Variants in WDR20 observed in about 807,000 individuals in gnomAD.
The protein encoded by WDR20 is WD repeat-containing protein 20.
A neutral mutation model predicts 38.7 loss-of-function variants in WDR20; 3 were observed. The observed-to-expected ratio is 0.08, with a 90% CI of 0.04 to 0.20. WDR20 has a LOEUF of 0.20. Ranked by LOEUF, WDR20 falls within the 10% of genes least tolerant of loss-of-function variation. The pLI is 1.00. For synonymous variants in WDR20, 298 were observed against 285.6 expected, an observed-to-expected ratio of 1.04 and a Z score of -0.44; for missense variants, 559 against 727.7, an observed-to-expected ratio of 0.77 and a Z score of 2.67.
At chr14:102,224,100 G>T (rs868725387), downstream of WDR20, among the ~76,000 whole-genome samples, 1 of 145,360 alleles carries the variant, frequency 6.9e-6, no homozygotes. Flanking sequence ...GGAGTGCAGT[G>T]GCGCAATCTC....
intron 1 of WDR20, among the ~76,000 whole-genome samples, chr14:102,151,882 G>C (rs1360686808): frequency 6.6e-6 from 1 of 151,486 alleles, no homozygotes; most frequent in Admixed American, 6.6e-5. Context: ...TGAGTCTATA[G>C]GAGCATGCTA....
At position 102,204,674 on chromosome 14, in the gene WDR20, C is replaced by G. The variant is rs142924185; in HGVS notation, c.433-3929C>G. ...CCTTCCTGTAGGGAGACAGGCATGA[C>G]TGCATTTTCCATTTTCCATGCGAGG... On this transcript the variant is annotated intron_variant, in intron 2 of 2. Transcript: ENST00000342702. 4.6e-3 allele frequency among the ~76,000 whole-genome samples: 703 copies of G among 152,324 alleles called. 6 individuals carry two copies. The highest frequency in any genetic ancestry group is 0.016 in the African/African-American group (652 of 41,576).
chr14:102,208,554 C>G lies in WDR20; in HGVS notation c.433-49C>G, dbSNP rs748487432. 6.5e-7 allele frequency: 1 copy of G among 1,537,778 alleles called. No individual in the cohort carries two copies. Among genetic ancestry groups the G allele is most frequent in the Non-Finnish European group, 8.8e-7 (1 of 1,141,388 alleles). On this transcript the variant is annotated intron_variant, in intron 2 of 2. Coordinates refer to ENST00000342702, the MANE Select transcript of WDR20 (RefSeq NM_144574.4). The surrounding 1 kb of genome is among the most constrained non-coding windows in gnomAD (Gnocchi z 5.6). ...CAAGTTTTCTTGCTGGAAAAGTAGA[C>G]CTTTGAGACTTCTCCGTTGTGCTAA...
intron 1 of WDR20, among the ~76,000 whole-genome samples, chr14:102,168,529 A>T (rs2060202885): frequency 6.6e-6 from 1 of 152,102 alleles, no homozygotes; most frequent in South Asian, 2.1e-4. Flanking sequence ...GAACCCAAGT[A>T]TGTGTTTTTT....
chr14:102,212,512 TTTG>T, downstream of WDR20: 1 of 1,535,886 alleles, frequency 6.5e-7, no homozygotes, highest in Admixed American at 2.0e-5. Context: ...TGCCCCTTTC[TTTG>T]ACAGCCGGCA....
At chr14:102,219,800 C>T (rs2063677231), downstream of WDR20, among the ~76,000 whole-genome samples, 1 of 152,222 alleles carries the variant, frequency 6.6e-6, no homozygotes, top group Non-Finnish European at 1.5e-5. Flanking sequence ...GCGAAGCCTG[C>T]TAACGGGAAC....
At chr14:102,158,443 A>G (rs2057940181) in intron 1 of WDR20, among the ~76,000 whole-genome samples, 1 of 152,100 alleles carries the variant, frequency 6.6e-6, no homozygotes, top group Non-Finnish European at 1.5e-5. Context: ...GATTACAGGC[A>G]TGTACCACCA....
intron 1 of WDR20, among the ~76,000 whole-genome samples, chr14:102,188,977 C>T (rs1230432273): frequency 2.0e-5 from 3 of 151,306 alleles, no homozygotes; most frequent in African/African-American, 4.9e-5. Flanking sequence ...TTTGGGAGGC[C>T]AAGGCAGGCA....
rs1385476662 is a variant in WDR20, at chr14:102,148,573, C to G, written c.249+8401C>G. Among the ~76,000 whole-genome samples the G allele has an allele frequency of 3.3e-5, 5 of 151,248 alleles. No individual in the cohort carries two copies. In the East Asian group the frequency reaches 9.7e-4, roughly 29 times the overall value. On this transcript the variant is annotated intron_variant, in intron 1 of 2. Coordinates refer to ENST00000342702, the MANE Select transcript of WDR20 (RefSeq NM_144574.4). ...AAAAAAAATCATAATCCTCATTCATCAAGCATTTATTGATGACTGGTATAT... is the reference window on the plus strand; with the variant it reads ...AAAAAAAATCATAATCCTCATTCATGAAGCATTTATTGATGACTGGTATAT...
At chr14:102,148,313 G>A (rs1175486966) in intron 1 of WDR20, among the ~76,000 whole-genome samples, 8 of 152,102 alleles carry the variant, frequency 5.3e-5, no homozygotes, top group African/African-American at 1.9e-4. Flanking sequence ...GGAGACCGAG[G>A]CAGGAGGATT....
In WDR20 at chr14:102,210,460, T is replaced by C. The variant is rs2062329751; in HGVS notation, c.*580T>C. 8 of 985,272 alleles carry C rather than the reference T, an allele frequency of 8.1e-6. No individual in the cohort carries two copies. In the South Asian group the frequency reaches 2.3e-4, roughly 29 times the overall value. 61.0% of individuals were successfully genotyped at this position (985,272 alleles called of 1,614,324 possible). Reference sequence around the variant, plus strand: ...ATCCACAGAAAGAGAAGAGCCTTAATTTTTAAAACCCATTTTAGTCATTTT... The same window carrying C: ...ATCCACAGAAAGAGAAGAGCCTTAACTTTTAAAACCCATTTTAGTCATTTT... On this transcript the variant is annotated 3_prime_UTR_variant, in exon 3 of 3. Transcript: ENST00000342702.
intron 1 of WDR20, among the ~76,000 whole-genome samples, chr14:102,152,501 G>A (rs561390973): frequency 6.7e-6 from 1 of 149,590 alleles, no homozygotes; most frequent in African/African-American, 2.5e-5. Context: ...TGCAGCCTCC[G>A]CCTCCCAGGT....
chr14:102,139,902 A>C lies in WDR20; in HGVS notation c.-22A>C, dbSNP rs371361662. On this transcript the variant is annotated 5_prime_UTR_variant, in exon 1 of 3. Coordinates refer to ENST00000342702, the MANE Select transcript of WDR20 (RefSeq NM_144574.4). ...TGGGCGTGATCCGGGCACTTAGGGCAGGATGAACGCTGCTTTCCAAGATGG... is the reference window on the plus strand; with the variant it reads ...TGGGCGTGATCCGGGCACTTAGGGCCGGATGAACGCTGCTTTCCAAGATGG... 2 of 1,609,278 alleles carry C rather than the reference A, an allele frequency of 1.2e-6. No individual in the cohort carries two copies. The highest frequency in any genetic ancestry group is 2.2e-5 in the East Asian group (1 of 44,756).
chr14:102,173,597 T>C (rs971795039), intron 1 of WDR20, among the ~76,000 whole-genome samples: 1 of 151,732 alleles, frequency 6.6e-6, no homozygotes, highest in African/African-American at 2.4e-5. Flanking sequence ...CTGTACCCAA[T>C]GTGTAGTCTT....
At chr14:102,194,266 C>T (rs998290345) in intron 1 of WDR20, among the ~76,000 whole-genome samples, 1 of 152,128 alleles carries the variant, frequency 6.6e-6, no homozygotes, top group Admixed American at 6.5e-5. Context: ...AAGTAATGTT[C>T]CCCGAAACCT....
intron 1 of WDR20, among the ~76,000 whole-genome samples, chr14:102,151,597 T>G (rs574248987): frequency 6.6e-6 from 1 of 151,912 alleles, no homozygotes; most frequent in Admixed American, 6.6e-5. Context: ...CTTGCTGTGT[T>G]GTCTGGGTTG....
rs1240924312 is a variant in WDR20 at position 102,207,429 on chromosome 14, G to A, written c.433-1174G>A. ...CCTCAAAGCCACCCTGGCAGAAGTC[G>A]GCATGTTTCTTGGCAGATTCTGCCC... On this transcript the variant is annotated intron_variant, in intron 2 of 2. Transcript: ENST00000342702. The surrounding 1 kb of genome is among the most constrained non-coding windows in gnomAD (Gnocchi z 5.0). Among the ~76,000 whole-genome samples, 6 of 152,208 alleles carry A rather than the reference G, an allele frequency of 3.9e-5. No individual in the cohort carries two copies. The East Asian group carries it at 1.2e-3, about 29-fold the overall frequency.
intron 1 of WDR20, chr14:102,171,376 A>T (rs993078873): frequency 6.2e-5 from 9 of 145,080 alleles, no homozygotes; most frequent in African/African-American, 2.3e-4. Flanking sequence ...GGATTCTCCC[A>T]CCTCAGTCTG....
intron 2 of WDR20, among the ~76,000 whole-genome samples, chr14:102,195,662 G>T (rs1324653405): frequency 6.6e-6 from 1 of 152,278 alleles, no homozygotes; most frequent in African/African-American, 2.4e-5. Context: ...GCTTTTGCCA[G>T]TGTTGTAGTA....
Sources: gnomAD v4.1 joint callset for allele counts (sites outside exome capture counted in the v4.1 genomes callset) on GRCh38, gnomAD v4.1.1 for gene constraint, Gnocchi (gnomAD v3.1) non-coding constraint, MANE v1.5 for transcripts, NCBI Gene and HGNC (gene_info 2026-07-23, HGNC 2026-07-21) for gene names.